The following GRIN2B variants were observed in gnomAD, a reference collection of about 807,000 sequenced individuals.
The protein encoded by GRIN2B is glutamate ionotropic receptor NMDA type subunit 2B.
In GRIN2B, 5 loss-of-function variants were observed where a neutral mutation model predicts 114.5. The observed-to-expected ratio is 0.04, with a 90% CI of 0.02 to 0.09. The LOEUF is 0.09. GRIN2B is among the 10% of genes least tolerant of loss of function. The pLI, the probability that GRIN2B is intolerant of heterozygous loss-of-function variation, is 1.00. For missense variants in GRIN2B, 1,108 were observed against 1,943.5 expected (o/e 0.57, Z 8.08); for synonymous variants, 787 against 745.1 (o/e 1.06, Z -0.92).
intron 4 of GRIN2B, among the ~76,000 whole-genome samples, chr12:13,716,150 T>C (rs74065247): frequency 2.6e-5 from 4 of 151,876 alleles, no homozygotes; most frequent in Non-Finnish European, 5.9e-5. Flanking sequence ...ATATCCCCAA[T>C]TTATAATACC....
intron 4 of GRIN2B, among the ~76,000 whole-genome samples, chr12:13,694,972 C>T (rs949441166): frequency 6.6e-6 from 1 of 151,804 alleles, no homozygotes; most frequent in Non-Finnish European, 1.5e-5. Flanking sequence ...GCTATGTGTG[C>T]TCCTACTTTA....
At chr12:13,785,415 T>G (rs1045881994) in intron 3 of GRIN2B, among the ~76,000 whole-genome samples, 1 of 152,138 alleles carries the variant, frequency 6.6e-6, no homozygotes, top group African/African-American at 2.4e-5. Context: ...CTCTGACATT[T>G]TTGCCCAAAC....
chr12:13,595,655 G>A (rs143589102), intron 10 of GRIN2B, among the ~76,000 whole-genome samples: 267 of 152,214 alleles, frequency 1.8e-3, no homozygotes, highest in Admixed American at 5.0e-3. Context: ...CAGCATCAGA[G>A]GGTTAAAACA....
At chr12:13,572,061 T>G in intron 10 of GRIN2B, 97 bp from the exon 11 acceptor site, 1 of 965,886 alleles carries the variant, frequency 1.0e-6, no homozygotes, top group Non-Finnish European at 1.6e-6. Flanking sequence ...TTAAGTAAGT[T>G]AGCATTAGTG....
intron 5 of GRIN2B, among the ~76,000 whole-genome samples, chr12:13,643,711 A>G (rs1042892897): frequency 6.6e-6 from 1 of 152,162 alleles, no homozygotes; most frequent in African/African-American, 2.4e-5. Flanking sequence ...CTACTGCTTT[A>G]TCAACTAAGT....
intron 2 of GRIN2B, among the ~76,000 whole-genome samples, chr12:13,900,298 A>C (rs1036624233): frequency 6.6e-6 from 1 of 151,826 alleles, no homozygotes; most frequent in African/African-American, 2.4e-5. Context: ...ATGTGGAGAA[A>C]CCCCGTCTCG....
chr12:13,864,916 C>G (rs1865803158), intron 3 of GRIN2B, among the ~76,000 whole-genome samples: 1 of 152,140 alleles, frequency 6.6e-6, no homozygotes. Context: ...GTTGAAAGCT[C>G]TTCAGGTGAT....
intron 5 of GRIN2B, among the ~76,000 whole-genome samples, chr12:13,631,790 C>T (rs1949617486): frequency 6.6e-6 from 1 of 152,312 alleles, no homozygotes; most frequent in South Asian, 2.1e-4. Flanking sequence ...GAATTATTGG[C>T]CAGGTAGTCT....
intron 2 of GRIN2B, among the ~76,000 whole-genome samples, chr12:13,972,228 G>T (rs1049338859): frequency 1.3e-5 from 2 of 152,084 alleles, no homozygotes; most frequent in Non-Finnish European, 2.9e-5. Flanking sequence ...TGTTATTCTT[G>T]TTTAGTTTTT....
chr12:13,675,107 C>T (rs149154038), intron 5 of GRIN2B, among the ~76,000 whole-genome samples: 13 of 152,198 alleles, frequency 8.5e-5, no homozygotes, highest in African/African-American at 1.9e-4. Flanking sequence ...AAATACTTTA[C>T]GTATACTTCA....
At chr12:13,602,377 A>G (rs1447210653) in intron 10 of GRIN2B, among the ~76,000 whole-genome samples, 1 of 152,154 alleles carries the variant, frequency 6.6e-6, no homozygotes, top group Non-Finnish European at 1.5e-5. Flanking sequence ...CAATTAAGTT[A>G]TTTTTAGCCC....
At chr12:13,677,726 T>C (rs1950088756) in intron 4 of GRIN2B, among the ~76,000 whole-genome samples, 1 of 151,948 alleles carries the variant, frequency 6.6e-6, no homozygotes, top group African/African-American at 2.4e-5. Context: ...CTTAGTTCTT[T>C]CTTACTTAAA....
Position 13,564,359 on chromosome 12 carries a change from C to G in GRIN2B, c.2879G>C (p.Ser960Thr). 6 of 1,614,196 alleles carry G rather than the reference C, an allele frequency of 3.7e-6. No homozygotes were observed. Among genetic ancestry groups the G allele is most frequent in the Non-Finnish European group, 5.1e-6 (6 of 1,180,034 alleles). Residue 960 changes from serine (S) to threonine (T), a missense_variant, in exon 14 of 14, where the codon AGT becomes ACT. Ser to Thr is a moderately conservative substitution (Grantham distance 58, BLOSUM62 1). This residue lies in a region of GRIN2B where 140 missense variants were observed against 187.5 expected (regional missense o/e 0.75). Coordinates refer to ENST00000609686, the MANE Select transcript of GRIN2B (RefSeq NM_000834.5). The surrounding 1 kb of genome is among the most constrained non-coding windows in gnomAD (Gnocchi z 4.8). ...NNPPCEENLF[S>T]DYISEVERTF... Reference sequence around the variant, plus strand: ...TCTCTCTACCTCACTGATGTAGTCACTGAAGAGGTTCTCCTCACAGGGCGG... The same window carrying G: ...TCTCTCTACCTCACTGATGTAGTCAGTGAAGAGGTTCTCCTCACAGGGCGG...
chr12:13,944,447 C>T (rs566829946), intron 2 of GRIN2B, among the ~76,000 whole-genome samples: 1 of 152,340 alleles, frequency 6.6e-6, no homozygotes, highest in Admixed American at 6.5e-5. Flanking sequence ...CTTCTCCCAG[C>T]TGGCTGGCCT....
At chr12:13,814,012 T>C (rs1191464821) in intron 3 of GRIN2B, among the ~76,000 whole-genome samples, 1 of 152,218 alleles carries the variant, frequency 6.6e-6, no homozygotes, top group Non-Finnish European at 1.5e-5. Context: ...GTGAAAATGA[T>C]AAATGTGTCA....
At chr12:13,651,967 A>T (rs532133990) in intron 5 of GRIN2B, among the ~76,000 whole-genome samples, 2 of 152,106 alleles carry the variant, frequency 1.3e-5, no homozygotes, top group Non-Finnish European at 2.9e-5. Context: ...TTAACATTTA[A>T]TGAGCATTTA....
chr12:13,778,253 C>T (rs905567262), intron 3 of GRIN2B, among the ~76,000 whole-genome samples: 1 of 151,766 alleles, frequency 6.6e-6, no homozygotes, highest in African/African-American at 2.4e-5. Context: ...ACTCTGAATC[C>T]CCTCAAACTC....
chr12:13,954,330 T>C (rs1867547530), intron 2 of GRIN2B, among the ~76,000 whole-genome samples: 1 of 152,178 alleles, frequency 6.6e-6, no homozygotes, highest in Non-Finnish European at 1.5e-5. Context: ...CCATCTCCAC[T>C]GCAACAACTG....
chr12:13,715,220 C>T (rs1160652656), intron 4 of GRIN2B, among the ~76,000 whole-genome samples: 2 of 151,822 alleles, frequency 1.3e-5, no homozygotes, highest in African/African-American at 4.8e-5. Context: ...TGTATGTATT[C>T]CTTCATTCAC....
Sources: gnomAD v4.1 joint callset for allele counts (sites outside exome capture counted in the v4.1 genomes callset) on GRCh38, gnomAD v4.1.1 for gene constraint, gnomAD v4.1.1 regional missense constraint, Gnocchi (gnomAD v3.1) non-coding constraint, MANE v1.5 for transcripts, NCBI Gene and HGNC (gene_info 2026-07-23, HGNC 2026-07-21) for gene names.